The following TPH1 variants were observed in gnomAD, a reference collection of about 807,000 sequenced individuals.
The protein encoded by TPH1 is tryptophan 5-hydroxylase 1.
In TPH1, 37 loss-of-function variants were observed where a neutral mutation model predicts 49.5. That is an observed-to-expected ratio of 0.75 (90% CI 0.58 to 0.98). The LOEUF (loss-of-function observed/expected upper bound fraction) is 0.98. TPH1 is among the 50% of genes least tolerant of loss of function. The probability of loss-of-function intolerance (pLI) is 0.00; values close to 1 mark genes in which losing one functional copy is unlikely to be tolerated. For synonymous variants in TPH1, 160 were observed against 182.1 expected (o/e 0.88, Z 0.98); for missense variants, 487 against 523.6 (o/e 0.93, Z 0.68).
At chr11:18,039,223 A>C (rs1554899426) in intron 2 of TPH1, among the ~76,000 whole-genome samples, 1 of 152,226 alleles carries the variant, frequency 6.6e-6, no homozygotes, top group Non-Finnish European at 1.5e-5. Flanking sequence ...TATGATTATT[A>C]ACATAGCTAA....
chr11:18,039,163 T>C (rs1848074850), intron 2 of TPH1, among the ~76,000 whole-genome samples: 1 of 152,234 alleles, frequency 6.6e-6, no homozygotes, highest in Non-Finnish European at 1.5e-5. Context: ...TATTTAAGAT[T>C]TTTAATTCTT....
chr11:18,033,421 G>A (rs777550163), intron 3 of TPH1, 47 bp from the exon 4 acceptor site: 10 of 1,368,966 alleles, frequency 7.3e-6, no homozygotes, highest in Middle Eastern at 3.9e-4. Flanking sequence ...AAAAGTTGAA[G>A]AGATAATCTT....
chr11:18,039,770 G>T (rs921429544), intron 2 of TPH1, among the ~76,000 whole-genome samples: 9 of 152,112 alleles, frequency 5.9e-5, no homozygotes, highest in Admixed American at 3.3e-4. Flanking sequence ...TGTGGTACCT[G>T]ACACATAGTA....
At chr11:18,030,163 C>T (rs574753209) in intron 4 of TPH1, among the ~76,000 whole-genome samples, 1 of 152,092 alleles carries the variant, frequency 6.6e-6, no homozygotes, top group African/African-American at 2.4e-5. Context: ...AATCTCAACA[C>T]TTTGGGAGAC....
At position 18,018,334 on chromosome 11, in the gene TPH1, T is replaced by C. The variant is rs975040280; in HGVS notation, c.*2657A>G. 1 of 151,912 alleles carries C rather than the reference T, an allele frequency of 6.6e-6. No homozygotes were observed. Among genetic ancestry groups the C allele is most frequent in the African/African-American group, 2.4e-5 (1 of 41,364 alleles). 9.4% of individuals were successfully genotyped at this position (151,912 alleles called of 1,614,324 possible). On this transcript the variant is annotated 3_prime_UTR_variant, in exon 11 of 11. Transcript: ENST00000682019. ...CTCCTGATTTACCAAATATTACAAA[T>C]ACCCAGAGGTGAGAAGAACTGAAAT...
chr11:18,042,375 C>G, intron 1 of TPH1: 1 of 454,414 alleles, frequency 2.2e-6, no homozygotes, highest in Non-Finnish European at 4.4e-6. Context: ...CATTCAATTA[C>G]CACTCAAAGA....
At chr11:18,023,246 T>C (rs1217192711) in intron 9 of TPH1, 1 of 346,712 alleles carries the variant, frequency 2.9e-6, no homozygotes, top group Non-Finnish European at 5.5e-6. Context: ...ACACTAGTTA[T>C]TCCTATGTAT....
chr11:18,042,389 A>G (rs1184449453), intron 1 of TPH1: 2 of 454,610 alleles, frequency 4.4e-6, no homozygotes, highest in Non-Finnish European at 8.8e-6. Flanking sequence ...TCAAAGATTG[A>G]CTTTTCTTAT....
chr11:18,043,284 T>G (rs749468334), intron 1 of TPH1, among the ~76,000 whole-genome samples: 1 of 152,214 alleles, frequency 6.6e-6, no homozygotes, highest in Non-Finnish European at 1.5e-5. Context: ...AACAACCTCT[T>G]GGAGCTTGGA....
rs1423513359 is a variant in TPH1 at position 18,019,520 on chromosome 11, A to G, written c.*1471T>C. ...ATGATGCCACATGAAGTTGTACAGC[A>G]TTGGCCTAAATTATGAGACATCTAC... On this transcript the variant is annotated 3_prime_UTR_variant, in exon 11 of 11. Transcript: ENST00000682019. 1 of 397,906 alleles carries G rather than the reference A, an allele frequency of 2.5e-6. No individual in the cohort carries two copies. The highest frequency in any genetic ancestry group is 2.1e-5 in the African/African-American group (1 of 47,980). The allele number at this position is 397,906 out of a possible 1,614,324, so 24.6% of individuals were successfully genotyped here. A position where few individuals can be genotyped will look rare whatever the true frequency, so the allele number is the denominator to read the frequency against.
chr11:18,036,338 C>T (rs11024449), intron 2 of TPH1, among the ~76,000 whole-genome samples, 196 bp from the exon 3 acceptor site: 28,326 of 152,130 alleles, frequency 0.19, 3,267 homozygotes, highest in Non-Finnish European at 0.26. Flanking sequence ...TTTCAAAATT[C>T]ATCCCATCCT....
Position 18,029,277 on chromosome 11 carries a change from G to A in TPH1, c.555C>T (p.Tyr185=), listed in dbSNP as rs1235178365. Residue 185 remains tyrosine, a synonymous_variant, in exon 6 of 11, where the codon TAC becomes TAT. Coordinates refer to ENST00000682019, the MANE Select transcript of TPH1 (RefSeq NM_004179.3). ...GTVFQELNKL[Y]PTHACREYLK... is the part of the protein sequence containing the mutation. ...GATACTCTCTGCAAGCATGGGTTGGGTAGAGTTTGTTGAGCTCTTGGAATA... is the reference window on the plus strand; with the variant it reads ...GATACTCTCTGCAAGCATGGGTTGGATAGAGTTTGTTGAGCTCTTGGAATA... The A allele has an allele frequency of 6.2e-7, 1 of 1,614,060 alleles. No homozygotes were observed. Among genetic ancestry groups the A allele is most frequent in the Admixed American group, 1.7e-5 (1 of 60,018 alleles).
At chr11:18,040,177 C>T (rs1848085906) in intron 2 of TPH1, among the ~76,000 whole-genome samples, 3 of 148,572 alleles carry the variant, frequency 2.0e-5, no homozygotes, top group African/African-American at 7.3e-5. Flanking sequence ...TCTTTTCTCC[C>T]CCATTTCTCG....
chr11:18,042,330 T>G (rs1216960232), intron 1 of TPH1: 2 of 453,162 alleles, frequency 4.4e-6, no homozygotes, highest in Non-Finnish European at 8.8e-6. Flanking sequence ...AAAATGTTTT[T>G]AGGGATGTGA....
Position 18,020,677 on chromosome 11 carries a change from G to A in TPH1, c.*314C>T. The A allele has an allele frequency of 6.5e-6, 2 of 306,894 alleles. No individual in the cohort carries two copies. The highest frequency in any genetic ancestry group is 7.5e-5 in the South Asian group (2 of 26,666). The allele number at this position is 306,894 out of a possible 1,614,324, so 19.0% of individuals were successfully genotyped here. Reference sequence around the variant, plus strand: ...GGATTGGGGAAAATAGAGTTAGGCTGAGATTAGATCTATCTATTGGGTCAA... The same window carrying A: ...GGATTGGGGAAAATAGAGTTAGGCTAAGATTAGATCTATCTATTGGGTCAA... On this transcript the variant is annotated 3_prime_UTR_variant, in exon 11 of 11. Coordinates refer to ENST00000682019, the MANE Select transcript of TPH1 (RefSeq NM_004179.3).
At chr11:18,042,474 C>G in intron 1 of TPH1, 1 of 374,124 alleles carries the variant, frequency 2.7e-6, no homozygotes, top group East Asian at 8.1e-5. Flanking sequence ...AATAATATAA[C>G]AAATTGCTAG....
rs753686032 is a variant in TPH1, at chr11:18,035,999, G to C, written c.261C>G (p.Leu87=). Residue 87 remains leucine (L), a synonymous_variant, in exon 3 of 11, where the codon CTC becomes CTG. Transcript: ENST00000682019. ...TAAAATTATCTGGTAGATTCACAGA[G>C]AGAACATTGGTATGAGACTTCAGCA... ...FHLLKSHTNV[L]SVNLPDNFTL... 3.7e-6 allele frequency: 6 copies of C among 1,612,434 alleles called. No homozygotes were observed. The highest frequency in any genetic ancestry group is 5.1e-6 in the Non-Finnish European group (6 of 1,179,886).
chr11:18,045,317 A>T (rs1848131229), intron 1 of TPH1, among the ~76,000 whole-genome samples: 3 of 152,252 alleles, frequency 2.0e-5, no homozygotes, highest in Admixed American at 2.0e-4. Flanking sequence ...CATGAAAAAC[A>T]GTATTCTAGG....
rs537490070 is a variant in TPH1 at position 18,033,148 on chromosome 11, G to A, written c.402+126C>T. The A allele has an allele frequency of 4.9e-5, 37 of 751,516 alleles. No homozygotes were observed. In the African/African-American group the frequency reaches 5.9e-4, roughly 12 times the overall value. 46.6% of individuals were successfully genotyped at this position (751,516 alleles called of 1,614,324 possible). On this transcript the variant is annotated intron_variant, in intron 4 of 10. Coordinates refer to ENST00000682019, the MANE Select transcript of TPH1 (RefSeq NM_004179.3). ...GGCACCTGTGATCCCAGCTACTTGG[G>A]AGGCTAAGGCAGGAGAATCACTTGA... is the stretch of plus-strand genomic sequence containing the variant.
Sources: allele counts gnomAD v4.1 joint callset (sites outside exome capture counted in the v4.1 genomes callset), GRCh38; gene constraint gnomAD v4.1.1; transcripts MANE v1.5; gene names NCBI Gene and HGNC (gene_info 2026-07-23, HGNC 2026-07-21).